Variants in TRAF1 observed in about 807,000 individuals in gnomAD.
The protein encoded by TRAF1 is TNF receptor-associated factor 1.
Under a neutral mutation model 40.9 loss-of-function variants are expected in TRAF1, and 23 were observed. The observed-to-expected ratio is 0.56, with a 90% CI of 0.40 to 0.80. The LOEUF (loss-of-function observed/expected upper bound fraction) is 0.80, where lower values mean the gene tolerates loss of function less well. Among genes scored for constraint, TRAF1 ranks in the 30% least tolerant of loss-of-function variants. The pLI, the probability that TRAF1 is intolerant of heterozygous loss-of-function variation, is 0.00. For missense variants in TRAF1, 477 were observed against 528.7 expected (o/e 0.90, Z 0.96); for synonymous variants, 206 against 218.8 (o/e 0.94, Z 0.52).
rs144102454 is a variant in TRAF1 at position 120,913,669 on chromosome 9, A to G, written c.364T>C (p.Phe122Leu). The G allele has an allele frequency of 2.5e-6, 4 of 1,612,144 alleles. No homozygotes were observed. In the African/African-American group the frequency reaches 5.3e-5, roughly 22 times the overall value. The change falls in exon 5 of 8, where the codon TTC becomes CTC. Residue 122 changes from phenylalanine to leucine, a missense_variant. Physicochemically the swap from Phe to Leu is conservative, Grantham distance 22 (BLOSUM62 0). Coordinates refer to ENST00000373887, the MANE Select transcript of TRAF1 (RefSeq NM_005658.5). ...QTSHLNLLLG[F>L]MKQWKARLGC... Reference sequence around the variant, plus strand: ...AGCCGGGCCTTCCACTGTTTCATGAACCCCAACAGCAGGTTTAGGTGGGAG... The same window carrying G: ...AGCCGGGCCTTCCACTGTTTCATGAGCCCCAACAGCAGGTTTAGGTGGGAG...
At chr9:120,927,073 G>C (rs2046646212), upstream of TRAF1, 1 of 152,220 alleles carries the variant, frequency 6.6e-6, no homozygotes, top group Admixed American at 6.5e-5. Context: ...CAACCTGCAA[G>C]GAATTCTTCT....
At chr9:120,916,157 C>G (rs1402083137) in intron 3 of TRAF1, among the ~76,000 whole-genome samples, 2 of 152,094 alleles carry the variant, frequency 1.3e-5, no homozygotes, top group Non-Finnish European at 2.9e-5. Flanking sequence ...CATGGATGAA[C>G]CTCAAAAACA....
Position 120,905,151 on chromosome 9 carries a change from G to C in TRAF1, c.1120C>G (p.Pro374Ala). ...PDLSSASFQR[P>A]QSETNVASGC... ...CTGGCCACGTTGGTTTCACTCTGGG[G>C]CCTCTGGAAGGACGCTGAGCTTAGG... Residue 374 changes from proline to alanine, a missense_variant, in exon 8 of 8, where the codon CCC becomes GCC. Pro to Ala is a conservative substitution (Grantham distance 27). Transcript: ENST00000373887. 4 of 1,614,234 alleles carry C rather than the reference G, an allele frequency of 2.5e-6. No individual in the cohort carries two copies. The highest frequency in any genetic ancestry group is 3.4e-6 in the Non-Finnish European group (4 of 1,180,034).
At chr9:120,922,179 T>C (rs191888535) in intron 3 of TRAF1, among the ~76,000 whole-genome samples, 48 of 152,276 alleles carry the variant, frequency 3.2e-4, no homozygotes, top group African/African-American at 1.2e-3. Flanking sequence ...CAGGGCCCCG[T>C]GTGTAAACAA....
At chr9:120,923,080 C>G (rs1475829575) in intron 3 of TRAF1, among the ~76,000 whole-genome samples, 6 of 152,158 alleles carry the variant, frequency 3.9e-5, no homozygotes, top group Non-Finnish European at 8.8e-5. Context: ...CTCAAGCTCT[C>G]CGCCCACCTC....
chr9:120,926,124 AG>A lies in TRAF1; in HGVS notation c.-50del. ...GGGCCTGTTTAAGTTGCTCCAGGGC[AG>A]GGGACCAGCCTTGTGGAGTCCTGGC... On this transcript the variant is annotated 5_prime_UTR_variant, in exon 2 of 8. Coordinates refer to ENST00000373887, the MANE Select transcript of TRAF1 (RefSeq NM_005658.5). 1 of 1,497,060 alleles carries A rather than the reference AG, an allele frequency of 6.7e-7. No individual in the cohort carries two copies. Among genetic ancestry groups the A allele is most frequent in the South Asian group, 1.4e-5 (1 of 72,944 alleles). 92.7% of individuals were successfully genotyped at this position (1,497,060 alleles called of 1,614,324 possible).
rs569958951 is a variant in TRAF1 at position 120,909,365 on chromosome 9, G to C, written c.897C>G (p.Ala299=). 7 of 1,614,008 alleles carry C rather than the reference G, an allele frequency of 4.3e-6. No homozygotes were observed. In the African/African-American group the frequency reaches 6.7e-5, roughly 15 times the overall value. Reference sequence around the variant, plus strand: ...GCAGGCACAACTTGTAGCCATACTTGGCAGTGTAGAAGGCTGAAACGCAGA... The same window carrying C: ...GCAGGCACAACTTGTAGCCATACTTCGCAGTGTAGAAGGCTGAAACGCAGA... The part of the protein sequence containing the change: ...VSLFSPAFYT[A]KYGYKLCLRL... Residue 299 remains alanine, a synonymous_variant, in exon 7 of 8, where the codon GCC becomes GCG. Transcript: ENST00000373887.
At chr9:120,909,045 T>A (rs2046504820) in intron 7 of TRAF1, among the ~76,000 whole-genome samples, 185 bp downstream of exon 7, 1 of 152,114 alleles carries the variant, frequency 6.6e-6, no homozygotes, top group Admixed American at 6.5e-5. Flanking sequence ...ACATTTTAGC[T>A]CCTGGACTCA....
At chr9:120,925,467 G>A (rs1259666675) in intron 2 of TRAF1, among the ~76,000 whole-genome samples, 1 of 152,200 alleles carries the variant, frequency 6.6e-6, no homozygotes, top group African/African-American at 2.4e-5. Flanking sequence ...CCCAGCAAAC[G>A]GTCTGAGGTG....
chr9:120,918,220 C>A (rs2046581739), intron 3 of TRAF1, among the ~76,000 whole-genome samples: 1 of 152,050 alleles, frequency 6.6e-6, no homozygotes, highest in African/African-American at 2.4e-5. Flanking sequence ...ATGCATAGAG[C>A]CATGTGAGGT....
intron 7 of TRAF1, among the ~76,000 whole-genome samples, chr9:120,908,282 A>G (rs1043509179): frequency 6.6e-6 from 1 of 152,194 alleles, no homozygotes; most frequent in Non-Finnish European, 1.5e-5. Context: ...TAATAACTCC[A>G]AAGAAATCTC....
chr9:120,913,210 G>T, intron 5 of TRAF1, 118 bp downstream of exon 5: 2 of 1,287,408 alleles, frequency 1.6e-6, no homozygotes, highest in Non-Finnish European at 2.1e-6. Context: ...GGGGAGATAC[G>T]TTTTGATGGA....
intron 3 of TRAF1, among the ~76,000 whole-genome samples, chr9:120,917,973 T>C (rs550685373): frequency 1.4e-4 from 21 of 152,152 alleles, no homozygotes; most frequent in African/African-American, 2.7e-4. Context: ...AATGAGGTCA[T>C]TGGGGGTGGG....
At chr9:120,905,345 C>G in intron 7 of TRAF1, 107 bp from the exon 8 acceptor site, 2 of 1,190,902 alleles carry the variant, frequency 1.7e-6, no homozygotes, top group Non-Finnish European at 2.4e-6. Flanking sequence ...CTGTGCAGCC[C>G]CTCAGACCCT....
intron 3 of TRAF1, 165 bp from the exon 4 acceptor site, chr9:120,914,465 A>C: frequency 8.2e-7 from 1 of 1,226,800 alleles, no homozygotes; most frequent in African/African-American, 1.6e-5. Flanking sequence ...TTAAGCTTCC[A>C]CCCTTCCATG....
At chr9:120,909,459 C>T in intron 6 of TRAF1, 81 bp from the exon 7 acceptor site, 1 of 1,536,024 alleles carries the variant, frequency 6.5e-7, no homozygotes, top group Non-Finnish European at 8.8e-7. Flanking sequence ...CAGGCATGCC[C>T]AAGGTCAGCG....
intron 3 of TRAF1, among the ~76,000 whole-genome samples, chr9:120,920,495 C>CT (rs754916731): frequency 1.3e-4 from 19 of 142,550 alleles, no homozygotes; most frequent in Non-Finnish European, 2.6e-4. Context: ...TGTCAGCTTG[C>CT]TTTTGACCTT....
chr9:120,908,275 T>G (rs1160758240), intron 7 of TRAF1, among the ~76,000 whole-genome samples: 2 of 152,210 alleles, frequency 1.3e-5, no homozygotes, highest in Non-Finnish European at 2.9e-5. Context: ...ATGGATTTAA[T>G]AACTCCAAAG....
intron 3 of TRAF1, among the ~76,000 whole-genome samples, chr9:120,915,233 G>A (rs1034514388): frequency 7.2e-5 from 11 of 152,184 alleles, no homozygotes; most frequent in Non-Finnish European, 1.6e-4. Flanking sequence ...AAACCTGGAT[G>A]GTATACCCTG....
Sources: gnomAD v4.1 joint callset for allele counts (sites outside exome capture counted in the v4.1 genomes callset) on GRCh38, gnomAD v4.1.1 for gene constraint, MANE v1.5 for transcripts, NCBI Gene and HGNC (gene_info 2026-07-23, HGNC 2026-07-21) for gene names.